PTPRK: variants seen among roughly 807,000 people sequenced by gnomAD.
PTPRK encodes the protein protein tyrosine phosphatase receptor type K.
A neutral mutation model predicts 178.0 loss-of-function variants in PTPRK; 75 were observed. The observed-to-expected ratio is 0.42, with a 90% CI of 0.35 to 0.51. The LOEUF (loss-of-function observed/expected upper bound fraction) is 0.51, where lower values mean the gene tolerates loss of function less well. Among genes scored for constraint, PTPRK ranks in the 20% least tolerant of loss-of-function variants. The pLI is 0.02. For synonymous variants in PTPRK, 637 were observed against 620.6 expected (o/e 1.03, Z -0.39); for missense variants, 1,441 against 1,797.8 (o/e 0.80, Z 3.59).
Position 127,969,417 on chromosome 6 carries a change from CT to C in PTPRK, c.*809del, listed in dbSNP as rs1306793908. 1.3e-5 allele frequency: 2 copies of C among 152,264 alleles called. No individual in the cohort carries two copies. The highest frequency in any genetic ancestry group is 4.1e-4 in the South Asian group (2 of 4,824). The allele number at this position is 152,264 out of a possible 1,614,324, so 9.4% of individuals were successfully genotyped here. ...CACAAGCATGTACACAAGAGAATCACTATAAAGAACATTGCTTCCTGGTTTA... is the reference window on the plus strand; with the variant it reads ...CACAAGCATGTACACAAGAGAATCACATAAAGAACATTGCTTCCTGGTTTA... On this transcript the variant is annotated 3_prime_UTR_variant, in exon 30 of 30. Coordinates refer to ENST00000368226, the MANE Select transcript of PTPRK (RefSeq NM_002844.4).
rs779749308 is a variant in PTPRK, at chr6:128,090,034, C to A, written c.1163-42G>T. 3 of 1,450,486 alleles carry A rather than the reference C, an allele frequency of 2.1e-6. No homozygotes were observed. The African/African-American group carries it at 4.2e-5, about 20-fold the overall frequency. 89.9% of individuals were successfully genotyped at this position (1,450,486 alleles called of 1,614,324 possible). A position where few individuals can be genotyped will look rare whatever the true frequency, so the allele number is the denominator to read the frequency against. On this transcript the variant is annotated intron_variant, in intron 7 of 29. Transcript: ENST00000368226. Reference sequence around the variant, plus strand: ...AGTTGTAGACAGCTGTCTATTATATCATGAATAATCCTGGAAAAATAAAAC... The same window carrying A: ...AGTTGTAGACAGCTGTCTATTATATAATGAATAATCCTGGAAAAATAAAAC...
rs144546459 is a variant in PTPRK at position 128,098,608 on chromosome 6, T to G, written c.1163-8616A>C. 3.2e-3 allele frequency among the ~76,000 whole-genome samples: 488 copies of G among 152,252 alleles called. 1 individual carries two copies. Among genetic ancestry groups the G allele is most frequent in the African/African-American group, 0.011 (461 of 41,544 alleles). On this transcript the variant is annotated intron_variant, in intron 7 of 29. Coordinates refer to ENST00000368226, the MANE Select transcript of PTPRK (RefSeq NM_002844.4). Reference sequence around the variant, plus strand: ...ATACGTGCCTGCTCTGTGCCACTGATGAGAGTTTGTGGTTAGTTGTTACTC... The same window carrying G: ...ATACGTGCCTGCTCTGTGCCACTGAGGAGAGTTTGTGGTTAGTTGTTACTC...
At chr6:128,360,960 G>A (rs1234192997) in intron 2 of PTPRK, among the ~76,000 whole-genome samples, 1 of 152,018 alleles carries the variant, frequency 6.6e-6, no homozygotes, top group Non-Finnish European at 1.5e-5. Flanking sequence ...CTGAAAATGG[G>A]ATATAGGTCT....
At chr6:128,047,839 C>CT (rs1028743973) in intron 13 of PTPRK, among the ~76,000 whole-genome samples, 160 of 147,648 alleles carry the variant, frequency 1.1e-3, no homozygotes, top group Middle Eastern at 3.5e-3. Flanking sequence ...TCCATAATGA[C>CT]TTTTTTTTTT....
intron 7 of PTPRK, among the ~76,000 whole-genome samples, chr6:128,118,069 A>G (rs1198654226): frequency 3.9e-5 from 6 of 152,228 alleles, no homozygotes; most frequent in Non-Finnish European, 8.8e-5. Flanking sequence ...GGAAAACACA[A>G]GAAACCCACT....
At position 128,513,712 on chromosome 6, in the gene PTPRK, T is replaced by A. The variant is rs552352807; in HGVS notation, c.100+6547A>T. On this transcript the variant is annotated intron_variant, in intron 1 of 29. Transcript: ENST00000368226. ...TCCATCAAATCACCTGGGGATTTCA[T>A]CAAAATGCAGATTCTGATTCAGTAG... is the stretch of plus-strand genomic sequence containing the variant. Among the ~76,000 whole-genome samples the A allele has an allele frequency of 1.0e-3, 152 of 152,288 alleles. 1 individual carries two copies. Among genetic ancestry groups the A allele is most frequent in the African/African-American group, 3.6e-3 (148 of 41,554 alleles).
chr6:128,520,566 C>T lies in PTPRK; in HGVS notation c.-208G>A. On this transcript the variant is annotated 5_prime_UTR_variant, in exon 1 of 30. Transcript: ENST00000368226. ...CGTCGCCGGCCGGCCGCGGCGGCAG[C>T]TCTCCATGCTCGGCGGAGGCTGCTC... 3.6e-6 allele frequency: 2 copies of T among 562,876 alleles called. No homozygotes were observed. Among genetic ancestry groups the T allele is most frequent in the Non-Finnish European group, 6.4e-6 (2 of 311,472 alleles). The allele number at this position is 562,876 out of a possible 1,614,324, so 34.9% of individuals were successfully genotyped here. A position where few individuals can be genotyped will look rare whatever the true frequency, so the allele number is the denominator to read the frequency against.
intron 7 of PTPRK, among the ~76,000 whole-genome samples, chr6:128,150,266 T>C (rs550760392): frequency 6.6e-6 from 1 of 152,260 alleles, no homozygotes; most frequent in Admixed American, 6.5e-5. Flanking sequence ...TAATATCACA[T>C]AAAATCATTT....
chr6:128,311,916 T>C (rs1315049392), intron 3 of PTPRK, among the ~76,000 whole-genome samples: 2 of 152,120 alleles, frequency 1.3e-5, no homozygotes, highest in African/African-American at 4.8e-5. Flanking sequence ...AAAAACAGGT[T>C]AACAAGAGAA....
intron 3 of PTPRK, among the ~76,000 whole-genome samples, chr6:128,308,673 T>C (rs566115272): frequency 4.6e-5 from 7 of 152,074 alleles, no homozygotes; most frequent in Non-Finnish European, 5.9e-5. Context: ...ATGAAAGGAA[T>C]AGCAACCAAG....
chr6:128,446,237 T>G (rs888879363), intron 1 of PTPRK, among the ~76,000 whole-genome samples: 6 of 152,164 alleles, frequency 3.9e-5, no homozygotes, highest in South Asian at 4.1e-4. Flanking sequence ...CAGCAGCACC[T>G]CTACCATGCC....
chr6:128,473,736 C>T (rs1021758767), intron 1 of PTPRK, among the ~76,000 whole-genome samples: 1 of 151,952 alleles, frequency 6.6e-6, no homozygotes, highest in Non-Finnish European at 1.5e-5. Context: ...AATGCCTGAA[C>T]GAATGTTCTG....
chr6:128,127,828 G>T (rs1166476545), intron 7 of PTPRK, among the ~76,000 whole-genome samples: 2 of 152,198 alleles, frequency 1.3e-5, no homozygotes, highest in African/African-American at 4.8e-5. Flanking sequence ...AGCATGGTAA[G>T]CAGCAGTTAA....
At chr6:128,512,789 T>A (rs1362202841) in intron 1 of PTPRK, among the ~76,000 whole-genome samples, 1 of 152,216 alleles carries the variant, frequency 6.6e-6, no homozygotes, top group Non-Finnish European at 1.5e-5. Flanking sequence ...GAACACCAGT[T>A]ATATTTAATG....
chr6:128,445,898 G>A (rs955159225), intron 1 of PTPRK, among the ~76,000 whole-genome samples: 3 of 152,064 alleles, frequency 2.0e-5, no homozygotes, highest in Admixed American at 1.3e-4. Context: ...AATTAACCTC[G>A]ACAGGGTTGC....
intron 7 of PTPRK, among the ~76,000 whole-genome samples, chr6:128,103,918 G>C (rs976035588): frequency 5.3e-5 from 8 of 152,090 alleles, no homozygotes; most frequent in African/African-American, 1.9e-4. Flanking sequence ...CCTGCAGATG[G>C]TGTCTCCCCA....
intron 7 of PTPRK, among the ~76,000 whole-genome samples, chr6:128,143,028 T>G (rs759150680): frequency 6.6e-6 from 1 of 152,180 alleles, no homozygotes; most frequent in Non-Finnish European, 1.5e-5. Context: ...GTTAAAGGAA[T>G]TGAAATATTC....
chr6:127,996,719 C>G (rs2114677314), intron 17 of PTPRK, among the ~76,000 whole-genome samples, 182 bp downstream of exon 17: 1 of 152,226 alleles, frequency 6.6e-6, no homozygotes, highest in African/African-American at 2.4e-5. Context: ...GATCCACCTG[C>G]CTTGGCCTCC....
rs534441919 is a variant in PTPRK, at chr6:128,346,024, A to G, written c.224-23714T>C. ...ATTTCAGGCTGTAAATGTCTTATTT[A>G]TCTTGCAAGAAAGAAACTCCTTTCA... On this transcript the variant is annotated intron_variant, in intron 2 of 29. Transcript: ENST00000368226. Among the ~76,000 whole-genome samples the G allele has an allele frequency of 5.3e-5, 8 of 152,254 alleles. No individual in the cohort carries two copies. In the East Asian group the frequency reaches 1.5e-3, roughly 29 times the overall value.
Sources: gnomAD v4.1 joint callset for allele counts (sites outside exome capture counted in the v4.1 genomes callset) on GRCh38, gnomAD v4.1.1 for gene constraint, MANE v1.5 for transcripts, NCBI Gene and HGNC (gene_info 2026-07-23, HGNC 2026-07-21) for gene names.